LRIG1: variants seen among roughly 807,000 people sequenced by gnomAD.
LRIG1 encodes leucine-rich repeats and immunoglobulin-like domains protein 1.
A neutral mutation model predicts 99.2 loss-of-function variants in LRIG1; 48 were observed. That is an observed-to-expected ratio of 0.48 (90% confidence interval 0.38 to 0.62). The LOEUF is 0.62. Among genes scored for constraint, LRIG1 ranks in the 20% least tolerant of loss-of-function variants. The pLI is 0.00. For missense variants in LRIG1, 1,646 were observed against 1,434.4 expected, an observed-to-expected ratio of 1.15 and a Z score of -2.38; for synonymous variants, 772 against 596.1, an observed-to-expected ratio of 1.29 and a Z score of -4.30.
chr3:66,439,640 T>C (rs1295533905), intron 3 of LRIG1, among the ~76,000 whole-genome samples: 2 of 152,108 alleles, frequency 1.3e-5, no homozygotes, highest in Non-Finnish European at 2.9e-5. Context: ...TTAGAATAAG[T>C]CAGTTTTGCC....
chr3:66,412,480 A>G (rs908379257), intron 6 of LRIG1, among the ~76,000 whole-genome samples: 2 of 152,200 alleles, frequency 1.3e-5, no homozygotes, highest in Admixed American at 1.3e-4. Flanking sequence ...AACTTCCCCC[A>G]AGTGGATTTC....
chr3:66,403,804 C>A (rs1490701217), intron 9 of LRIG1, among the ~76,000 whole-genome samples: 1 of 152,194 alleles, frequency 6.6e-6, no homozygotes, highest in Non-Finnish European at 1.5e-5. Flanking sequence ...GCAGTGCTGC[C>A]CACTCTCACC....
chr3:66,394,054 T>C lies in LRIG1; in HGVS notation c.1454A>G (p.Glu485Gly), dbSNP rs1427391660. ...KGQSIFSVPP[E>G]SFVCDDFLKP... is the part of the protein sequence containing the mutation. The stretch of plus-strand genomic sequence containing the variant: ...GACAGTCTTACCGCACACGAAACTC[T>C]CTGGTGGCACAGAGAAAATGCTCTG... Residue 485 changes from glutamate (E) to glycine (G), a missense_variant, in exon 12 of 19, where the codon GAG becomes GGG. Transcript: ENST00000273261. 4 of 1,613,942 alleles carry C rather than the reference T, an allele frequency of 2.5e-6. No homozygotes were observed. In the Admixed American group the frequency reaches 5.0e-5, roughly 20 times the overall value.
At chr3:66,401,244 G>A (rs980556649) in intron 9 of LRIG1, among the ~76,000 whole-genome samples, 2 of 152,176 alleles carry the variant, frequency 1.3e-5, no homozygotes, top group Admixed American at 1.3e-4. Flanking sequence ...AAAGCTGATG[G>A]CCATGCTAAC....
At chr3:66,400,861 C>G (rs1006164918) in intron 9 of LRIG1, among the ~76,000 whole-genome samples, 12 of 152,086 alleles carry the variant, frequency 7.9e-5, no homozygotes, top group Non-Finnish European at 1.6e-4. Context: ...GGGCAGGTAC[C>G]AGGAGGCTGC....
rs75704523 is a variant in LRIG1 at position 66,430,967 on chromosome 3, C to T, written c.366-13701G>A. 8.2e-4 allele frequency among the ~76,000 whole-genome samples: 125 copies of T among 152,148 alleles called. 1 individual carries two copies. The East Asian group carries it at 8.7e-3, about 11-fold the overall frequency. ...TTCCCTGGTGACCTGCTACCCCACA[C>T]CCCAGCACACTGATGGTGTTCCCTC... On this transcript the variant is annotated intron_variant, in intron 3 of 18. Transcript: ENST00000273261.
intron 1 of LRIG1, among the ~76,000 whole-genome samples, chr3:66,485,130 C>A (rs980428348): frequency 3.4e-5 from 5 of 147,418 alleles, no homozygotes; most frequent in African/African-American, 1.2e-4. Flanking sequence ...TGTACTCCAA[C>A]CTGGGTGACA....
intron 1 of LRIG1, among the ~76,000 whole-genome samples, chr3:66,471,681 G>A (rs904645478): frequency 2.6e-5 from 4 of 152,192 alleles, no homozygotes; most frequent in Admixed American, 6.5e-5. Context: ...GCTCTACTGC[G>A]GCAGAAAACG....
intron 11 of LRIG1, among the ~76,000 whole-genome samples, chr3:66,395,816 A>G (rs1701827233): frequency 6.6e-6 from 1 of 152,028 alleles, no homozygotes; most frequent in East Asian, 1.9e-4. Context: ...CATGGGGGGA[A>G]CTCAGCCTGG....
chr3:66,489,032 C>T (rs1701039280), intron 1 of LRIG1, among the ~76,000 whole-genome samples: 1 of 152,032 alleles, frequency 6.6e-6, no homozygotes, highest in Non-Finnish European at 1.5e-5. Context: ...GGATCTGTAC[C>T]AGCCTCCACA....
chr3:66,469,615 A>T (rs994529945), intron 1 of LRIG1, among the ~76,000 whole-genome samples: 4 of 152,220 alleles, frequency 2.6e-5, no homozygotes, highest in African/African-American at 9.7e-5. Flanking sequence ...TCTGTAGCTA[A>T]TTTGAGTACA....
intron 1 of LRIG1, among the ~76,000 whole-genome samples, chr3:66,476,730 A>C (rs1391104333): frequency 6.6e-6 from 1 of 152,178 alleles, no homozygotes; most frequent in East Asian, 1.9e-4. Context: ...AGTGACATTA[A>C]ATGGATTTCT....
intron 1 of LRIG1, 35 bp downstream of exon 1, chr3:66,500,155 C>T: frequency 6.7e-7 from 1 of 1,481,960 alleles, no homozygotes; most frequent in Non-Finnish European, 9.0e-7. Flanking sequence ...GACAGAGCCC[C>T]GGGGCGCAGA....
chr3:66,417,893 C>T (rs1702662799), intron 3 of LRIG1, among the ~76,000 whole-genome samples: 1 of 152,032 alleles, frequency 6.6e-6, no homozygotes, highest in African/African-American at 2.4e-5. Context: ...CCTGAACCTC[C>T]CGACTCTACC....
chr3:66,469,667 T>C lies in LRIG1; in HGVS notation c.219-7158A>G, dbSNP rs181820270. On this transcript the variant is annotated intron_variant, in intron 1 of 18. Transcript: ENST00000273261. The stretch of plus-strand genomic sequence containing the variant: ...CTCTAGCACCCAACAAATGTCAAAT[T>C]TGACAAATATTTATTGTCTACAAGG... 5.3e-5 allele frequency among the ~76,000 whole-genome samples: 8 copies of C among 152,290 alleles called. No individual in the cohort carries two copies. In the East Asian group the frequency reaches 1.2e-3, roughly 22 times the overall value.
chr3:66,384,581 TA>T (rs201537954), intron 13 of LRIG1, among the ~76,000 whole-genome samples: 1,724 of 152,058 alleles, frequency 0.011, 29 homozygotes, highest in African/African-American at 0.04. Context: ...CCATCCACAC[TA>T]GGTAGGCCTG....
At chr3:66,441,610 G>A (rs148396733) in intron 3 of LRIG1, among the ~76,000 whole-genome samples, 8 of 152,302 alleles carry the variant, frequency 5.3e-5, no homozygotes, top group African/African-American at 1.2e-4. Context: ...ACAGAGGCAC[G>A]CAGCACCACT....
At chr3:66,412,382 A>G (rs1702494963) in intron 6 of LRIG1, among the ~76,000 whole-genome samples, 1 of 152,204 alleles carries the variant, frequency 6.6e-6, no homozygotes, top group Admixed American at 6.5e-5. Flanking sequence ...GGGCGGGGGC[A>G]GTGGATGCAA....
chr3:66,458,158 G>T (rs943109848), intron 2 of LRIG1, among the ~76,000 whole-genome samples: 2 of 152,118 alleles, frequency 1.3e-5, no homozygotes, highest in African/African-American at 4.8e-5. Context: ...GTCTTGCTCT[G>T]TTGGGTGGAG....
Sources: gnomAD v4.1 joint callset for allele counts (sites outside exome capture counted in the v4.1 genomes callset) on GRCh38, gnomAD v4.1.1 for gene constraint, MANE v1.5 for transcripts, NCBI Gene and HGNC (gene_info 2026-07-23, HGNC 2026-07-21) for gene names.